ABCF1: variants seen among roughly 807,000 people sequenced by gnomAD.
ABCF1 encodes ATP binding cassette subfamily F member 1.
ABCF1 carries 73 observed loss-of-function variants against 126.3 expected under a neutral mutation model. The ratio of observed to expected loss-of-function variants is 0.58; its 90% CI spans 0.48 to 0.70. The LOEUF (loss-of-function observed/expected upper bound fraction) is 0.70, where lower values mean the gene tolerates loss of function less well. Ranked by LOEUF, ABCF1 falls within the 30% of genes least tolerant of loss-of-function variation. The pLI, the probability that ABCF1 is intolerant of heterozygous loss-of-function variation, is 0.00. For missense variants in ABCF1, 786 were observed against 1,057.5 expected (o/e 0.74, Z 3.56); for synonymous variants, 345 against 396.4 (o/e 0.87, Z 1.54).
chr6:30,579,860 T>A, intron 6 of ABCF1, 71 bp from the exon 7 acceptor site: 3 of 1,489,692 alleles, frequency 2.0e-6, no homozygotes, highest in Non-Finnish European at 2.8e-6. Flanking sequence ...TCTCTAGAAA[T>A]GCTTATTACA....
chr6:30,584,411 C>T lies in ABCF1; in HGVS notation c.1243-7C>T. The T allele has an allele frequency of 1.2e-6, 2 of 1,613,096 alleles. No individual in the cohort carries two copies. Among genetic ancestry groups the T allele is most frequent in the Non-Finnish European group, 1.7e-6 (2 of 1,180,030 alleles). ...TCAGACGTGTGTCCTCTTCTCCCTC[C>T]TCCCAGGTGTATGAGGAATTGCGGG... is the stretch of plus-strand genomic sequence containing the variant. On this transcript the variant is annotated splice_region_variant and splice_polypyrimidine_tract_variant and intron_variant, in intron 13 of 24. Coordinates refer to ENST00000326195, the MANE Select transcript of ABCF1 (RefSeq NM_001025091.2). The surrounding 1 kb of genome is among the most constrained non-coding windows in gnomAD (Gnocchi z 4.6).
intron 1 of ABCF1, among the ~76,000 whole-genome samples, chr6:30,572,230 G>A (rs1349615547): frequency 6.6e-6 from 1 of 152,212 alleles, no homozygotes; most frequent in Non-Finnish European, 1.5e-5. Flanking sequence ...ACTAACCCCA[G>A]TAGGTACACA....
At chr6:30,579,353 C>T (rs1033918092) in intron 6 of ABCF1, among the ~76,000 whole-genome samples, 6 of 151,682 alleles carry the variant, frequency 4.0e-5, no homozygotes, top group East Asian at 3.9e-4. Context: ...CTTCGGTGTA[C>T]GATTTTTCTA....
chr6:30,576,590 G>T (rs1283767871), intron 1 of ABCF1, among the ~76,000 whole-genome samples: 2 of 151,818 alleles, frequency 1.3e-5, no homozygotes, highest in African/African-American at 4.8e-5. Context: ...CGCCCGGCCG[G>T]GTGCTCTTTA....
rs1347428755 is a variant in ABCF1, at chr6:30,583,445, G to A, written c.916-163G>A. Among the ~76,000 whole-genome samples the A allele has an allele frequency of 4.6e-5, 7 of 152,244 alleles. No individual in the cohort carries two copies. The highest frequency in any genetic ancestry group is 7.3e-5 in the Non-Finnish European group (5 of 68,040). On this transcript the variant is annotated intron_variant, in intron 10 of 24. Transcript: ENST00000326195. The surrounding 1 kb of genome is among the most constrained non-coding windows in gnomAD (Gnocchi z 4.1). The stretch of plus-strand genomic sequence containing the variant: ...GCATGGGGCTCCCATTACAGGCAGC[G>A]AACAGGGCGGGGACCGGCTGTGGGG...
At position 30,586,773 on chromosome 6, in the gene ABCF1, G is replaced by C; in HGVS notation, c.2031+62G>C. The C allele has an allele frequency of 6.4e-7, 1 of 1,569,860 alleles. No individual in the cohort carries two copies. The highest frequency in any genetic ancestry group is 8.7e-7 in the Non-Finnish European group (1 of 1,143,064). On this transcript the variant is annotated intron_variant, in intron 20 of 24. Coordinates refer to ENST00000326195, the MANE Select transcript of ABCF1 (RefSeq NM_001025091.2). The surrounding 1 kb of genome is among the most constrained non-coding windows in gnomAD (Gnocchi z 4.9). ...TGTGAAGACACAGCTGCTTTTGCCA[G>C]AAGCTGGAATCAGGGAGCCTCTCGA...
chr6:30,576,349 G>A (rs1481565516), intron 1 of ABCF1, among the ~76,000 whole-genome samples: 2 of 125,746 alleles, frequency 1.6e-5, no homozygotes, highest in African/African-American at 3.1e-5. Context: ...GTACAATAGC[G>A]TGATCTCAGC....
intron 15 of ABCF1, 90 bp from the exon 16 acceptor site, chr6:30,585,468 T>G: frequency 6.3e-7 from 1 of 1,590,730 alleles, no homozygotes; most frequent in Admixed American, 1.7e-5. Flanking sequence ...GACCCCCCTT[T>G]CCCTCCCAGC....
chr6:30,586,398 T>A lies in ABCF1; in HGVS notation c.1886-76T>A. ...CCACCAAGGCTGAGATTGCTCCTGT[T>A]CTCCAAGGCCAGCACATGAGAGGGA... is the stretch of plus-strand genomic sequence containing the variant. On this transcript the variant is annotated intron_variant, in intron 18 of 24. Coordinates refer to ENST00000326195, the MANE Select transcript of ABCF1 (RefSeq NM_001025091.2). This position sits in a 1 kb window ranked among gnomAD's most constrained non-coding sequence, Gnocchi z 4.9. 6.2e-7 allele frequency: 1 copy of A among 1,607,736 alleles called. No homozygotes were observed. The highest frequency in any genetic ancestry group is 2.2e-5 in the East Asian group (1 of 44,778).
chr6:30,583,631 T>C lies in ABCF1; in HGVS notation c.939T>C (p.Ala313=). ...AGCTGGAGAAGTTCAGCATCTCCGC[T>C]CATGGCAAGGAGCTGTTCGTCAATG... ...DIKLEKFSIS[A]HGKELFVNAD... Residue 313 remains alanine, a synonymous_variant, in exon 11 of 25, where the codon GCT becomes GCC. Coordinates refer to ENST00000326195, the MANE Select transcript of ABCF1 (RefSeq NM_001025091.2). This position sits in a 1 kb window ranked among gnomAD's most constrained non-coding sequence, Gnocchi z 4.1. 2 of 1,614,008 alleles carry C rather than the reference T, an allele frequency of 1.2e-6. No individual in the cohort carries two copies. Among genetic ancestry groups the C allele is most frequent in the East Asian group, 2.2e-5 (1 of 44,886 alleles).
At chr6:30,575,559 G>A (rs1801455801) in intron 1 of ABCF1, among the ~76,000 whole-genome samples, 1 of 151,854 alleles carries the variant, frequency 6.6e-6, no homozygotes, top group South Asian at 2.1e-4. Context: ...ATGGAGAGGG[G>A]GAGAGCTAGA....
chr6:30,588,345 ATTAC>A (rs1802262062), intron 20 of ABCF1, among the ~76,000 whole-genome samples: 1 of 151,958 alleles, frequency 6.6e-6, no homozygotes, highest in African/African-American at 2.4e-5. Context: ...TTTCCATGCA[ATTAC>A]TTATTTCATA....
In ABCF1 at chr6:30,583,539, C is replaced by T; in HGVS notation, c.916-69C>T. On this transcript the variant is annotated intron_variant, in intron 10 of 24. Transcript: ENST00000326195. The surrounding 1 kb of genome is among the most constrained non-coding windows in gnomAD (Gnocchi z 4.1). ...TCCCTGCAGGGAGAAAGTGGCCGCT[C>T]CTGTCCCAAAGGGAGAATTTTCATG... The T allele has an allele frequency of 6.5e-7, 1 of 1,531,628 alleles. No homozygotes were observed. Among genetic ancestry groups the T allele is most frequent in the South Asian group, 1.1e-5 (1 of 88,570 alleles). 94.9% of individuals were successfully genotyped at this position (1,531,628 alleles called of 1,614,324 possible).
rs200316293 is a variant in ABCF1, at chr6:30,583,654, A to G, written c.962A>G (p.Asn321Ser). Residue 321 changes from asparagine (N) to serine (S), a missense_variant, in exon 11 of 25, where the codon AAT (asparagine) becomes AGT (serine). Physicochemically the swap from Asn to Ser is conservative, Grantham distance 46 (BLOSUM62 1). Transcript: ENST00000326195. This position sits in a 1 kb window ranked among gnomAD's most constrained non-coding sequence, Gnocchi z 4.1. The stretch of plus-strand genomic sequence containing the variant: ...GCTCATGGCAAGGAGCTGTTCGTCA[A>G]TGCAGACCTGTACATTGTAGCCGGC... ...ISAHGKELFV[N>S]ADLYIVAGRR... 6.2e-6 allele frequency: 10 copies of G among 1,614,028 alleles called. No homozygotes were observed. The highest frequency in any genetic ancestry group is 8.5e-6 in the Non-Finnish European group (10 of 1,179,906).
Position 30,583,657 on chromosome 6 carries a change from C to G in ABCF1, c.965C>G (p.Ala322Gly). 1 of 1,614,034 alleles carries G rather than the reference C, an allele frequency of 6.2e-7. No individual in the cohort carries two copies. Among genetic ancestry groups the G allele is most frequent in the Non-Finnish European group, 8.5e-7 (1 of 1,179,910 alleles). ...SAHGKELFVN[A>G]DLYIVAGRRY... ...CATGGCAAGGAGCTGTTCGTCAATG[C>G]AGACCTGTACATTGTAGCCGGCCGC... is the stretch of plus-strand genomic sequence containing the variant. Residue 322 changes from alanine (A) to glycine (G), a missense_variant, in exon 11 of 25, where the codon GCA becomes GGA. Ala to Gly is a moderately conservative substitution (Grantham distance 60). This residue lies in a region of ABCF1 where 163 missense variants were observed against 255.3 expected (regional missense o/e 0.64). Coordinates refer to ENST00000326195, the MANE Select transcript of ABCF1 (RefSeq NM_001025091.2). The surrounding 1 kb of genome is among the most constrained non-coding windows in gnomAD (Gnocchi z 4.1).
intron 14 of ABCF1, 112 bp from the exon 15 acceptor site, chr6:30,585,148 A>C: frequency 1.1e-6 from 1 of 952,260 alleles, no homozygotes; most frequent in Non-Finnish European, 1.7e-6. Flanking sequence ...CTCTGAGGAG[A>C]GCTTGGGAAG....
Position 30,580,001 on chromosome 6 carries a change from C to G in ABCF1, c.560C>G (p.Ala187Gly), listed in dbSNP as rs1270649244. 6.2e-7 allele frequency: 1 copy of G among 1,612,368 alleles called. No individual in the cohort carries two copies. The highest frequency in any genetic ancestry group is 8.5e-7 in the Non-Finnish European group (1 of 1,179,668). ...AAGGAAGAGAAGTCAAAAGGGAAGG[C>G]TAAGGTGAGAGAGTAACTAGCAGGA... ...KGKEEKSKGK[A>G]KPQNKFAALD... Residue 187 changes from alanine to glycine, a missense_variant, in exon 7 of 25, where the codon GCT (alanine) becomes GGT (glycine). Ala to Gly is a moderately conservative substitution (Grantham distance 60, BLOSUM62 0). This residue lies in a region of ABCF1 where 322 missense variants were observed against 322.9 expected (regional missense o/e 1.00). Coordinates refer to ENST00000326195, the MANE Select transcript of ABCF1 (RefSeq NM_001025091.2).
chr6:30,584,531 C>A lies in ABCF1; in HGVS notation c.1356C>A (p.Phe452Leu). ...TGCAGAATCGACCCACACAGAAGTTCTCAGGGGGCTGGCGCATGCGTGTCT... is the reference window on the plus strand; with the variant it reads ...TGCAGAATCGACCCACACAGAAGTTATCAGGGGGCTGGCGCATGCGTGTCT... Reference protein sequence around the residue: ...PEMQNRPTQKFSGGWRMRVSL... With the variant: ...PEMQNRPTQKLSGGWRMRVSL... Residue 452 changes from phenylalanine to leucine, a missense_variant, in exon 14 of 25, where the codon TTC becomes TTA. Physicochemically the swap from Phe to Leu is conservative, Grantham distance 22 (BLOSUM62 0). Transcript: ENST00000326195. The surrounding 1 kb of genome is among the most constrained non-coding windows in gnomAD (Gnocchi z 4.6). 6.2e-7 allele frequency: 1 copy of A among 1,611,402 alleles called. No homozygotes were observed. The highest frequency in any genetic ancestry group is 8.5e-7 in the Non-Finnish European group (1 of 1,179,142).
chr6:30,584,264 A>G lies in ABCF1; in HGVS notation c.1175A>G (p.Glu392Gly). The G allele has an allele frequency of 1.9e-6, 3 of 1,613,092 alleles. No individual in the cohort carries two copies. The highest frequency in any genetic ancestry group is 2.5e-6 in the Non-Finnish European group (3 of 1,180,022). Residue 392 changes from glutamate (E) to glycine (G), a missense_variant, in exon 13 of 25, where the codon GAA becomes GGA. By Grantham distance (98) the Glu-to-Gly change is moderately conservative. This residue lies in a region of ABCF1 where 163 missense variants were observed against 255.3 expected (regional missense o/e 0.64). Transcript: ENST00000326195. This position sits in a 1 kb window ranked among gnomAD's most constrained non-coding sequence, Gnocchi z 4.6. ...RADTKRLKLL[E>G]EERRLQGQLE... ...GACACCAAGCGATTGAAGCTGCTGG[A>G]AGAGGAGCGGCGGCTTCAGGGACAG...
Sources: allele counts gnomAD v4.1 joint callset (sites outside exome capture counted in the v4.1 genomes callset), GRCh38; gene constraint gnomAD v4.1.1; regional missense constraint gnomAD v4.1.1; non-coding constraint Gnocchi (gnomAD v3.1); transcripts MANE v1.5; gene names NCBI Gene and HGNC (gene_info 2026-07-23, HGNC 2026-07-21).